The following PRDM16 variants were observed in gnomAD, a reference collection of about 807,000 sequenced individuals.
The protein encoded by PRDM16 is histone-lysine N-methyltransferase PRDM16.
Under a neutral mutation model 110.6 loss-of-function variants are expected in PRDM16, and 23 were observed. That is an observed-to-expected ratio of 0.21 (90% CI 0.15 to 0.29). PRDM16 has a LOEUF of 0.29. Ranked by LOEUF, PRDM16 falls within the 10% of genes least tolerant of loss-of-function variation. The pLI is 1.00. For synonymous variants in PRDM16, 799 were observed against 781.8 expected, an observed-to-expected ratio of 1.02 and a Z score of -0.37; for missense variants, 1,615 against 1,794.3, an observed-to-expected ratio of 0.90 and a Z score of 1.81.
intron 3 of PRDM16, among the ~76,000 whole-genome samples, chr1:3,356,086 T>C (rs1461529700): frequency 1.3e-5 from 2 of 152,172 alleles, no homozygotes; most frequent in Non-Finnish European, 2.9e-5. Context: ...ACCTTTCATG[T>C]TCTTCTGGAA....
chr1:3,420,800 T>C (rs943942695), intron 12 of PRDM16, among the ~76,000 whole-genome samples: 1 of 152,054 alleles, frequency 6.6e-6, no homozygotes, highest in Non-Finnish European at 1.5e-5. Context: ...TGGAGAAGCA[T>C]GAAAATTGAA....
At chr1:3,310,617 C>T (rs578211789) in intron 3 of PRDM16, among the ~76,000 whole-genome samples, 2 of 152,294 alleles carry the variant, frequency 1.3e-5, no homozygotes, top group Non-Finnish European at 2.9e-5. Context: ...GTCCCTCCAC[C>T]TGCCAAACCA....
chr1:3,165,481 T>TGACTCACCTGGGCTCAGGGACAGG (rs1643942245), intron 1 of PRDM16, among the ~76,000 whole-genome samples: 6 of 26,666 alleles, frequency 2.3e-4, no homozygotes, highest in Admixed American at 4.3e-4. Context: ...TCAGGGACAG[T>TGACTCACCTGGGCTCAGGGACAGG]GACTCACCTG....
chr1:3,135,663 C>T (rs1448631528), intron 1 of PRDM16, among the ~76,000 whole-genome samples: 1 of 152,228 alleles, frequency 6.6e-6, no homozygotes, highest in South Asian at 2.1e-4. Context: ...GGTCTCCTCA[C>T]CCAGCTTCCG....
chr1:3,280,131 A>G (rs1389515505), intron 3 of PRDM16, among the ~76,000 whole-genome samples: 1 of 151,624 alleles, frequency 6.6e-6, no homozygotes, highest in Non-Finnish European at 1.5e-5. Flanking sequence ...TTATGGTCAG[A>G]GAGAGACATT....
chr1:3,181,834 TCA>T (rs1644209416), intron 1 of PRDM16, among the ~76,000 whole-genome samples: 1 of 32,028 alleles, frequency 3.1e-5, no homozygotes, highest in South Asian at 9.1e-4. Flanking sequence ...TCTTACACAT[TCA>T]GTCTTACACA....
chr1:3,230,389 A>C (rs1282453845), intron 2 of PRDM16, among the ~76,000 whole-genome samples: 1 of 152,214 alleles, frequency 6.6e-6, no homozygotes, highest in East Asian at 1.9e-4. Context: ...CATCCAGACA[A>C]GAAGCTCAGT....
At chr1:3,318,054 C>G (rs1334242855) in intron 3 of PRDM16, among the ~76,000 whole-genome samples, 1 of 152,186 alleles carries the variant, frequency 6.6e-6, no homozygotes, top group African/African-American at 2.4e-5. Flanking sequence ...GTCCCCGGAG[C>G]ATCACAGCGA....
At chr1:3,149,015 A>G (rs953062561) in intron 1 of PRDM16, among the ~76,000 whole-genome samples, 10 of 152,168 alleles carry the variant, frequency 6.6e-5, no homozygotes, top group African/African-American at 2.2e-4. Flanking sequence ...GGCTTTGGCC[A>G]CCCCGGCTTC....
At chr1:3,424,607 G>A (rs1381709772) in intron 12 of PRDM16, among the ~76,000 whole-genome samples, 1 of 152,262 alleles carries the variant, frequency 6.6e-6, no homozygotes, top group Non-Finnish European at 1.5e-5. Flanking sequence ...CCCGGGAGCT[G>A]GCAGTGCCCA....
Position 3,396,530 on chromosome 1 carries a change from G to C in PRDM16, c.613G>C (p.Glu205Gln). The C allele has an allele frequency of 6.2e-7, 1 of 1,607,438 alleles. No homozygotes were observed. The highest frequency in any genetic ancestry group is 8.5e-7 in the Non-Finnish European group (1 of 1,176,642). ...KVIKDIEPGE[E>Q]LLVHVKEGVY... ...CATTAAGGACATTGAGCCAGGTGAG[G>C]AGCTGCTGGTGCACGTGAAGGAAGG... Residue 205 changes from glutamate to glutamine, a missense_variant, in exon 5 of 17, where the codon GAG becomes CAG. Transcript: ENST00000270722.
intron 3 of PRDM16, among the ~76,000 whole-genome samples, chr1:3,348,432 A>G (rs1642408843): frequency 6.6e-6 from 1 of 152,158 alleles, no homozygotes; most frequent in African/African-American, 2.4e-5. Context: ...GCTCTTCAGC[A>G]CCATCCCCAA....
chr1:3,215,416 G>A lies in PRDM16; in HGVS notation c.388-28671G>A, dbSNP rs375122092. The stretch of plus-strand genomic sequence containing the variant: ...GGAGGGTCATGGGTCCCGGGGACAG[G>A]CAAGGCCTATTGGGGTCCAGGAGAA... On this transcript the variant is annotated intron_variant, in intron 2 of 16. Coordinates refer to ENST00000270722, the MANE Select transcript of PRDM16 (RefSeq NM_022114.4). Among the ~76,000 whole-genome samples, 221 of 150,188 alleles carry A rather than the reference G, an allele frequency of 1.5e-3. No individual in the cohort carries two copies. The South Asian group carries it at 0.021, about 14-fold the overall frequency.
chr1:3,406,580 AT>A (rs139472066), intron 8 of PRDM16, among the ~76,000 whole-genome samples: 15,424 of 147,332 alleles, frequency 0.1, 986 homozygotes, highest in African/African-American at 0.18. Context: ...AAAAAAAAAA[AT>A]TTTTTTTTTA....
chr1:3,275,390 C>T (rs1569974248), intron 3 of PRDM16, among the ~76,000 whole-genome samples: 1 of 152,352 alleles, frequency 6.6e-6, no homozygotes, highest in South Asian at 2.1e-4. Context: ...TTCCTGCCTG[C>T]CTGTCTCTCC....
Position 3,225,573 on chromosome 1 carries a change from T to TGTGC in PRDM16, c.388-18513_388-18512insTGCG, listed in dbSNP as rs1336272072. On this transcript the variant is annotated intron_variant, in intron 2 of 16. Coordinates refer to ENST00000270722, the MANE Select transcript of PRDM16 (RefSeq NM_022114.4). ...GTGTGTGTGTGTGTGTGTGTGTGTG[T>TGTGC]GCGCGCGCGCAGAAGGAAGGAAACG... 2.2e-3 allele frequency among the ~76,000 whole-genome samples: 284 copies of TGTGC among 129,872 alleles called. 3 individuals carry two copies. Among genetic ancestry groups the TGTGC allele is most frequent in the South Asian group, 0.012 (49 of 4,116 alleles). The allele number at this position is 129,872 out of a possible 152,430, so 85.2% of individuals were successfully genotyped here. A position where few individuals can be genotyped will look rare whatever the true frequency, so the allele number is the denominator to read the frequency against.
At chr1:3,197,866 G>A (rs573923263) in intron 2 of PRDM16, among the ~76,000 whole-genome samples, 2 of 152,258 alleles carry the variant, frequency 1.3e-5, no homozygotes, top group Admixed American at 6.5e-5. Context: ...GTCAGGGGAT[G>A]AGCGCGTGAA....
At chr1:3,127,318 A>G (rs1279154570) in intron 1 of PRDM16, among the ~76,000 whole-genome samples, 2 of 152,208 alleles carry the variant, frequency 1.3e-5, no homozygotes, top group Non-Finnish European at 2.9e-5. Context: ...AAAAGCTGAT[A>G]TATGTTGGTT....
At chr1:3,321,794 G>T (rs1641757746) in intron 3 of PRDM16, among the ~76,000 whole-genome samples, 1 of 148,642 alleles carries the variant, frequency 6.7e-6, no homozygotes, top group East Asian at 2.1e-4. Context: ...CTGTGCAAGT[G>T]TGCGTGCGTG....
Sources: allele counts gnomAD v4.1 joint callset (sites outside exome capture counted in the v4.1 genomes callset), GRCh38; gene constraint gnomAD v4.1.1; transcripts MANE v1.5; gene names NCBI Gene and HGNC (gene_info 2026-07-23, HGNC 2026-07-21).